Variants in TRPM2 observed in about 807,000 individuals in gnomAD.
TRPM2 encodes estrogen-responsive element-associated gene 1 protein.
Under a neutral mutation model 174.0 loss-of-function variants are expected in TRPM2, and 161 were observed. That is an observed-to-expected ratio of 0.93 (90% CI 0.81 to 1.05). The LOEUF is 1.05. TRPM2 is among the 50% of genes least tolerant of loss of function. The pLI is 0.00. For synonymous variants in TRPM2, 954 were observed against 861.3 expected (o/e 1.11, Z -1.88); for missense variants, 2,057 against 2,038.0 (o/e 1.01, Z -0.18).
chr21:44,400,418 C>T (rs376419765), intron 15 of TRPM2, 47 bp downstream of exon 15: 179 of 1,527,030 alleles, frequency 1.2e-4, no homozygotes, highest in Non-Finnish European at 1.4e-4. Flanking sequence ...TGCGGGGCTG[C>T]GGGAGAGGCT....
rs898081394 is a variant in TRPM2, at chr21:44,375,939, G to T, written c.878G>T (p.Gly293Val). 1.2e-6 allele frequency: 2 copies of T among 1,614,008 alleles called. No individual in the cohort carries two copies. Among genetic ancestry groups the T allele is most frequent in the Non-Finnish European group, 1.7e-6 (2 of 1,180,020 alleles). ...ATCCTCGTGGACGACGGGACCCACG[G>T]CCAGTACGGGGTGGAGATTCCTCTG... is the stretch of plus-strand genomic sequence containing the variant. The part of the protein sequence containing the change: ...HFILVDDGTH[G>V]QYGVEIPLRT... Residue 293 changes from glycine (G) to valine (V), a missense_variant, in exon 6 of 32, where the codon GGC becomes GTC. Transcript: ENST00000397928.
At chr21:44,394,024 C>G (rs564942741) in intron 11 of TRPM2, among the ~76,000 whole-genome samples, 1 of 152,246 alleles carries the variant, frequency 6.6e-6, no homozygotes, top group African/African-American at 2.4e-5. Flanking sequence ...AGGCGCCCAC[C>G]ACCATGCCCA....
chr21:44,393,831 CTCTG>C (rs535253347), intron 11 of TRPM2, among the ~76,000 whole-genome samples: 150 of 151,684 alleles, frequency 9.9e-4, no homozygotes, highest in African/African-American at 3.2e-3. Context: ...TCCAGGTGAG[CTCTG>C]TCTGACTCTT....
In TRPM2 at chr21:44,382,781, C is replaced by T. The variant is rs188963338; in HGVS notation, c.1279C>T (p.Gln427Ter). The stretch of plus-strand genomic sequence containing the variant: ...CTTCCGGGAAGGCAAGGATGGTCAG[C>T]AGGACGTGGATGTGGCCATCTTGCA... ...TVFREGKDGQ[Q>*]DVDVAILQAL... Residue 427 changes from glutamine (Q) to a stop codon, truncating the protein, a stop_gained, in exon 9 of 32, where the codon CAG becomes TAG. Coordinates refer to ENST00000397928, the MANE Select transcript of TRPM2 (RefSeq NM_003307.4). LOFTEE classifies it high-confidence loss of function. 4.7e-5 allele frequency: 76 copies of T among 1,613,966 alleles called. No homozygotes were observed. The Admixed American group carries it at 1.3e-3, about 27-fold the overall frequency.
Position 44,376,837 on chromosome 21 carries a change from C to G in TRPM2, c.952+824C>G, listed in dbSNP as rs1222381794. On this transcript the variant is annotated intron_variant, in intron 6 of 31. Transcript: ENST00000397928. The surrounding 1 kb of genome is among the most constrained non-coding windows in gnomAD (Gnocchi z 4.2). The stretch of plus-strand genomic sequence containing the variant: ...CCTCACCAGCTTGTGGGCCCCAGCC[C>G]CAGGGTCCAACTCAGCAGCTCCAGG... Among the ~76,000 whole-genome samples, 1 of 152,186 alleles carries G rather than the reference C, an allele frequency of 6.6e-6. No individual in the cohort carries two copies. Among genetic ancestry groups the G allele is most frequent in the Non-Finnish European group, 1.5e-5 (1 of 68,036 alleles).
In TRPM2 at chr21:44,367,237, G is replaced by T. The variant is rs2048388964; in HGVS notation, c.604+303G>T. On this transcript the variant is annotated intron_variant, in intron 4 of 31. Coordinates refer to ENST00000397928, the MANE Select transcript of TRPM2 (RefSeq NM_003307.4). This position sits in a 1 kb window ranked among gnomAD's most constrained non-coding sequence, Gnocchi z 4.6. ...CCTTGGTGGCCTGAGAACCTTGGTG[G>T]CCTGGGAACCTCGGTGGCCTGAGAA... is the stretch of plus-strand genomic sequence containing the variant. Among the ~76,000 whole-genome samples, 3 of 151,396 alleles carry T rather than the reference G, an allele frequency of 2.0e-5. No individual in the cohort carries two copies. The South Asian group carries it at 6.2e-4, about 31-fold the overall frequency.
intron 16 of TRPM2, among the ~76,000 whole-genome samples, chr21:44,402,625 G>A (rs1250557454): frequency 6.6e-6 from 1 of 152,218 alleles, no homozygotes; most frequent in Non-Finnish European, 1.5e-5. Context: ...GGACCACCTG[G>A]CATGGCCCAG....
At chr21:44,404,117 A>G (rs935264949) in intron 16 of TRPM2, among the ~76,000 whole-genome samples, 1 of 151,662 alleles carries the variant, frequency 6.6e-6, no homozygotes, top group African/African-American at 2.4e-5. Flanking sequence ...ATATGCACAC[A>G]TGAATGAACA....
chr21:44,352,390 G>C (rs1276279638), upstream of TRPM2, among the ~76,000 whole-genome samples: 2 of 152,248 alleles, frequency 1.3e-5, no homozygotes, highest in African/African-American at 2.4e-5. Flanking sequence ...GCAGCCCGTA[G>C]CTCAGCCCCA....
chr21:44,419,125 G>A (rs2050418746), intron 22 of TRPM2, among the ~76,000 whole-genome samples: 1 of 152,192 alleles, frequency 6.6e-6, no homozygotes, highest in Admixed American at 6.5e-5. Flanking sequence ...TGGCCCAGCA[G>A]CGGGCAGCAG....
Position 44,366,906 on chromosome 21 carries a change from A to AG in TRPM2, c.578dup (p.Leu194ProfsTer75). 6.2e-7 allele frequency: 1 copy of AG among 1,606,970 alleles called. No individual in the cohort carries two copies. The highest frequency in any genetic ancestry group is 1.7e-5 in the Admixed American group (1 of 59,548). On this transcript the variant is annotated frameshift_variant, in exon 4 of 32. Transcript: ENST00000397928. LOFTEE classifies it high-confidence loss of function. This position sits in a 1 kb window ranked among gnomAD's most constrained non-coding sequence, Gnocchi z 6.0. ...CGCGGCTGAAGAGCATTTTCCGCAG[A>AG]GGCCTGGTCAAGGTGGCTCAGACCA...
At chr21:44,404,108 T>C (rs975104469) in intron 16 of TRPM2, among the ~76,000 whole-genome samples, 7 of 151,728 alleles carry the variant, frequency 4.6e-5, no homozygotes, top group South Asian at 2.1e-4. Context: ...CATATATACA[T>C]ATGCACACAT....
chr21:44,354,529 G>C lies in TRPM2; in HGVS notation c.166-119G>C. 1.2e-6 allele frequency: 1 copy of C among 857,388 alleles called. No homozygotes were observed. The highest frequency in any genetic ancestry group is 1.7e-5 in the African/African-American group (1 of 59,282). The allele number at this position is 857,388 out of a possible 1,614,324, so 53.1% of individuals were successfully genotyped here. ...TAATCTTTGGCTCAGGGTCGCGCAG[G>C]CTTCCTTCCTTCAAGCAAATAGTGT... On this transcript the variant is annotated intron_variant, in intron 1 of 31. Transcript: ENST00000397928. This position sits in a 1 kb window ranked among gnomAD's most constrained non-coding sequence, Gnocchi z 4.3.
chr21:44,404,621 T>C (rs1297266583), intron 16 of TRPM2, among the ~76,000 whole-genome samples: 3 of 152,174 alleles, frequency 2.0e-5, no homozygotes, highest in Non-Finnish European at 4.4e-5. Context: ...ATGATAGTGA[T>C]AGTGATGATA....
At chr21:44,429,680 C>A (rs1385156088) in intron 27 of TRPM2, among the ~76,000 whole-genome samples, 1 of 152,040 alleles carries the variant, frequency 6.6e-6, no homozygotes, top group African/African-American at 2.4e-5. Flanking sequence ...CTTTATTAAA[C>A]CTTCTCGTTA....
chr21:44,441,640 T>C, intron 31 of TRPM2, 52 bp from the exon 32 acceptor site: 1 of 1,568,814 alleles, frequency 6.4e-7, no homozygotes, highest in South Asian at 1.2e-5. Flanking sequence ...AGGGCTCAGC[T>C]GGGCAGAGGC....
chr21:44,431,644 C>A (rs145511188), intron 27 of TRPM2, among the ~76,000 whole-genome samples: 70 of 152,056 alleles, frequency 4.6e-4, no homozygotes, highest in Non-Finnish European at 8.5e-4. Flanking sequence ...CCAGCTAATT[C>A]CTTTTGTATT....
chr21:44,375,719 C>T (rs1164147539), intron 5 of TRPM2, 114 bp from the exon 6 acceptor site: 27 of 1,248,062 alleles, frequency 2.2e-5, no homozygotes, highest in Non-Finnish European at 2.6e-5. Flanking sequence ...AAGGCCACGT[C>T]CACAGATTCC....
At chr21:44,365,669 C>A (rs1268073994) in intron 3 of TRPM2, among the ~76,000 whole-genome samples, 1 of 152,172 alleles carries the variant, frequency 6.6e-6, no homozygotes, top group Non-Finnish European at 1.5e-5. Context: ...CATCCCTCCC[C>A]CAACCCCCCG....
Sources: gnomAD v4.1 joint callset for allele counts (sites outside exome capture counted in the v4.1 genomes callset) on GRCh38, gnomAD v4.1.1 for gene constraint, Gnocchi (gnomAD v3.1) non-coding constraint, MANE v1.5 for transcripts, NCBI Gene and HGNC (gene_info 2026-07-23, HGNC 2026-07-21) for gene names.